The following ENTREP2 variants were observed in gnomAD, a reference collection of about 807,000 sequenced individuals.
ENTREP2 encodes endosomal transmembrane epsin interactor 2.
chr15:29,273,850 T>A, the ENTREP2 span, among the ~76,000 whole-genome samples: 1 of 152,076 alleles, frequency 6.6e-6, no homozygotes, highest in Non-Finnish European at 1.5e-5. Context: ...TTGCCAGGGG[T>A]TCAAGGGTCT....
the ENTREP2 span, among the ~76,000 whole-genome samples, chr15:29,513,704 C>G: frequency 2.0e-5 from 3 of 152,228 alleles, no homozygotes; most frequent in East Asian, 5.8e-4. Context: ...CTCTCTGTCC[C>G]TATTCCACAA....
At chr15:29,204,717 T>C in the ENTREP2 span, among the ~76,000 whole-genome samples, 12 of 152,270 alleles carry the variant, frequency 7.9e-5, no homozygotes, top group African/African-American at 2.6e-4. Context: ...GTTGCTATTA[T>C]TTACATTAAA....
chr15:29,461,638 CTAATTTT>C, the ENTREP2 span, among the ~76,000 whole-genome samples: 10 of 151,984 alleles, frequency 6.6e-5, no homozygotes, highest in Non-Finnish European at 1.5e-4. Context: ...CTGTGCCAGG[CTAATTTT>C]TGTACTTTTG....
chr15:29,317,883 T>C, the ENTREP2 span, among the ~76,000 whole-genome samples: 95 of 152,270 alleles, frequency 6.2e-4, no homozygotes, highest in African/African-American at 2.3e-3. Context: ...TGTGGTGAGA[T>C]GAACAGACTA....
the ENTREP2 span, among the ~76,000 whole-genome samples, chr15:29,219,614 A>AATATATATATATATATATATAT: frequency 5.2e-5 from 2 of 38,402 alleles, 1 homozygote; most frequent in Non-Finnish European, 1.1e-4. Flanking sequence ...GTGGTGCATA[A>AATATATATATATATATATATAT]ATATATATAT....
At chr15:29,138,681 G>GT in the ENTREP2 span, among the ~76,000 whole-genome samples, 2 of 136,650 alleles carry the variant, frequency 1.5e-5, no homozygotes, top group East Asian at 4.0e-4. Flanking sequence ...GTCTCTGTGT[G>GT]TATGTGTATG....
chr15:29,195,864 TC>T, the ENTREP2 span, among the ~76,000 whole-genome samples: 5 of 152,238 alleles, frequency 3.3e-5, no homozygotes, highest in Non-Finnish European at 5.9e-5. Flanking sequence ...ACAGTTTTAT[TC>T]AGGGGAAACA....
the ENTREP2 span, among the ~76,000 whole-genome samples, chr15:29,299,397 C>G: frequency 6.6e-6 from 1 of 152,208 alleles, no homozygotes; most frequent in Non-Finnish European, 1.5e-5. Flanking sequence ...GCTGCCTCTT[C>G]AGCGTCACCT....
At chr15:29,377,863 A>AATAATAATT in the ENTREP2 span, among the ~76,000 whole-genome samples, 1 of 92,132 alleles carries the variant, frequency 1.1e-5, no homozygotes, top group Non-Finnish European at 2.5e-5. Context: ...TAATAATAAT[A>AATAATAATT]AAAAAATGAG....
At chr15:29,211,531 A>T in the ENTREP2 span, among the ~76,000 whole-genome samples, 1 of 152,210 alleles carries the variant, frequency 6.6e-6, no homozygotes, top group Non-Finnish European at 1.5e-5. Flanking sequence ...AGGAGTGGTC[A>T]GAGTGGGCAT....
chr15:29,558,024 C>A, the ENTREP2 span, among the ~76,000 whole-genome samples: 603 of 152,298 alleles, frequency 4.0e-3, 7 homozygotes, highest in African/African-American at 0.014. Context: ...CACAAATGAT[C>A]AAATGAGGCT....
the ENTREP2 span, among the ~76,000 whole-genome samples, chr15:29,606,143 T>G: frequency 2.0e-5 from 3 of 152,130 alleles, no homozygotes; most frequent in African/African-American, 7.2e-5. Context: ...ATCTATATGG[T>G]TCCTCCTCCA....
the ENTREP2 span, among the ~76,000 whole-genome samples, chr15:29,180,689 A>C: frequency 3.9e-5 from 6 of 152,064 alleles, no homozygotes; most frequent in African/African-American, 1.4e-4. Flanking sequence ...AACAAAATAA[A>C]ATAAAATAAA....
chr15:29,476,264 A>G, the ENTREP2 span, among the ~76,000 whole-genome samples: 44 of 152,296 alleles, frequency 2.9e-4, 2 homozygotes, highest in South Asian at 8.5e-3. Context: ...GTATTTTATT[A>G]TATGTTTATT....
At chr15:29,481,068 A>G in the ENTREP2 span, among the ~76,000 whole-genome samples, 1 of 152,198 alleles carries the variant, frequency 6.6e-6, no homozygotes, top group African/African-American at 2.4e-5. Flanking sequence ...TTGGGGGTCC[A>G]TGGCACCAAA....
At chr15:29,439,663 G>T in the ENTREP2 span, among the ~76,000 whole-genome samples, 1 of 152,154 alleles carries the variant, frequency 6.6e-6, no homozygotes, top group South Asian at 2.1e-4. Context: ...CAGGACATTT[G>T]CAAGGCCTGG....
At chr15:29,158,469 G>T in the ENTREP2 span, among the ~76,000 whole-genome samples, 1 of 146,518 alleles carries the variant, frequency 6.8e-6, no homozygotes, top group Non-Finnish European at 1.5e-5. Context: ...GCAGTGGCGT[G>T]ATCTCGGCTC....
At chr15:29,610,756 G>A in the ENTREP2 span, 1 of 150,312 alleles carries the variant, frequency 6.7e-6, no homozygotes, top group Non-Finnish European at 1.5e-5. Flanking sequence ...CCTCTACAAA[G>A]AGGTGAAGGC....
the ENTREP2 span, among the ~76,000 whole-genome samples, chr15:29,468,266 G>A: frequency 6.6e-6 from 1 of 152,062 alleles, no homozygotes; most frequent in African/African-American, 2.4e-5. Flanking sequence ...TTCTGGGGGT[G>A]GGATCTAACT....
Sources: allele counts gnomAD v4.1 joint callset (sites outside exome capture counted in the v4.1 genomes callset), GRCh38; gene constraint gnomAD v4.1.1; transcripts MANE v1.5; gene names NCBI Gene and HGNC (gene_info 2026-07-23, HGNC 2026-07-21).